ASAH1: variants seen among roughly 807,000 people sequenced by gnomAD.
ASAH1 encodes acid ceramidase.
Under a neutral mutation model 59.5 loss-of-function variants are expected in ASAH1, and 70 were observed. The observed-to-expected ratio is 1.18, with a 90% CI of 0.97 to 1.43. The LOEUF is 1.43. Among genes scored for constraint, ASAH1 ranks in the 40% most tolerant of loss-of-function variants. The pLI is 0.00. For missense variants in ASAH1, 660 were observed against 482.5 expected, an observed-to-expected ratio of 1.37 and a Z score of -3.45; for synonymous variants, 213 against 166.5, an observed-to-expected ratio of 1.28 and a Z score of -2.15.
intron 2 of ASAH1, among the ~76,000 whole-genome samples, chr8:18,072,929 G>A (rs943610192): frequency 2.0e-5 from 3 of 151,900 alleles, no homozygotes; most frequent in Admixed American, 6.6e-5. Flanking sequence ...CTCTATACCC[G>A]CCATAAATTC....
chr8:18,066,143 G>A (rs1307578790), intron 5 of ASAH1: 1 of 151,936 alleles, frequency 6.6e-6, no homozygotes, highest in Admixed American at 6.6e-5. Context: ...ATATATATAT[G>A]ACTTTGGGGT....
At chr8:18,083,859 C>G (rs986004829) in intron 1 of ASAH1, 122 bp downstream of exon 1, 1 of 1,517,104 alleles carries the variant, frequency 6.6e-7, no homozygotes, top group African/African-American at 1.4e-5. Context: ...AACCACAGAC[C>G]CCCGTAAAGA....
In ASAH1 at chr8:18,063,248, G is replaced by C; in HGVS notation, c.458-18C>G. 6.2e-7 allele frequency: 1 copy of C among 1,605,050 alleles called. No individual in the cohort carries two copies. Among genetic ancestry groups the C allele is most frequent in the South Asian group, 1.1e-5 (1 of 90,886 alleles). ...TAGATGACCTATTTGAAGGTAGACAGAAGAGACGTGTAATAGCAGTTAAGA... is the reference window on the plus strand; with the variant it reads ...TAGATGACCTATTTGAAGGTAGACACAAGAGACGTGTAATAGCAGTTAAGA... On this transcript the variant is annotated intron_variant, in intron 6 of 13. Coordinates refer to ENST00000637790, the MANE Select transcript of ASAH1 (RefSeq NM_177924.5).
At chr8:18,059,077 T>A (rs1682288229) in intron 12 of ASAH1, 186 bp from the exon 13 acceptor site, 1 of 606,732 alleles carries the variant, frequency 1.6e-6, no homozygotes, top group South Asian at 2.0e-5. Context: ...TACTTTCCTC[T>A]CTCTCCTTCC....
chr8:18,075,656 A>G, intron 1 of ASAH1, 69 bp from the exon 2 acceptor site: 1 of 1,448,752 alleles, frequency 6.9e-7, no homozygotes, highest in Non-Finnish European at 9.7e-7. Flanking sequence ...CAATTTCAAA[A>G]GTAGTTAATC....
intron 6 of ASAH1, chr8:18,063,594 C>T (rs1799803358): frequency 4.3e-6 from 1 of 234,720 alleles, no homozygotes; most frequent in Non-Finnish European, 8.4e-6. Flanking sequence ...GCTGGCATTA[C>T]AGGTGTAAGC....
At chr8:18,068,272 A>C (rs1450259413) in intron 4 of ASAH1, 1 of 152,212 alleles carries the variant, frequency 6.6e-6, no homozygotes, top group Non-Finnish European at 1.5e-5. Flanking sequence ...CTTAAAACCC[A>C]GTATTGTCCG....
chr8:18,079,143 T>C (rs1349981057), intron 1 of ASAH1, among the ~76,000 whole-genome samples: 1 of 151,836 alleles, frequency 6.6e-6, no homozygotes, highest in Non-Finnish European at 1.5e-5. Flanking sequence ...CTGGGTGGCA[T>C]GTGCCTGTAA....
intron 1 of ASAH1, among the ~76,000 whole-genome samples, chr8:18,082,815 C>T (rs987659953): frequency 1.3e-5 from 2 of 152,052 alleles, no homozygotes; most frequent in East Asian, 1.9e-4. Flanking sequence ...AATGAAGGGC[C>T]CTGACAGTAT....
At chr8:18,062,170 TG>T in intron 8 of ASAH1, 108 bp downstream of exon 8, 1 of 1,448,204 alleles carries the variant, frequency 6.9e-7, no homozygotes, top group Non-Finnish European at 9.6e-7. Flanking sequence ...GGGGGTGAAA[TG>T]GGGCTTCATA....
At chr8:18,083,864 T>C in intron 1 of ASAH1, 117 bp downstream of exon 1, 1 of 1,520,654 alleles carries the variant, frequency 6.6e-7, no homozygotes, top group South Asian at 1.2e-5. Context: ...CAGACCCCCG[T>C]AAAGAAGCTG....
At chr8:18,083,608 C>G (rs1800754695) in intron 1 of ASAH1, among the ~76,000 whole-genome samples, 1 of 152,230 alleles carries the variant, frequency 6.6e-6, no homozygotes, top group African/African-American at 2.4e-5. Flanking sequence ...ATCAGGCAGT[C>G]TGTCCTTGAT....
At chr8:18,064,272 C>T (rs1799834456) in intron 6 of ASAH1, 185 bp downstream of exon 6, 2 of 625,998 alleles carry the variant, frequency 3.2e-6, no homozygotes, top group South Asian at 2.0e-5. Context: ...ATAGGCAGTA[C>T]AGTAGTCTGA....
chr8:18,067,454 TA>T (rs1799981072), intron 4 of ASAH1, 156 bp from the exon 5 acceptor site: 1 of 354,320 alleles, frequency 2.8e-6, no homozygotes, highest in Non-Finnish European at 4.8e-6. Flanking sequence ...TGATAGGAAT[TA>T]TTTTTTAAAG....
At chr8:18,079,107 G>C (rs920426949) in intron 1 of ASAH1, among the ~76,000 whole-genome samples, 1 of 146,982 alleles carries the variant, frequency 6.8e-6, no homozygotes, top group African/African-American at 2.5e-5. Flanking sequence ...CGAAATCCCC[G>C]TTACTACTAA....
At chr8:18,064,309 A>T in intron 6 of ASAH1, 148 bp downstream of exon 6, 1 of 699,908 alleles carries the variant, frequency 1.4e-6, no homozygotes, top group South Asian at 1.7e-5. Flanking sequence ...CAGTACAATC[A>T]CAAAATTTTA....
intron 4 of ASAH1, chr8:18,069,586 CCT>C (rs1190850066): frequency 3.9e-6 from 2 of 516,822 alleles, no homozygotes; most frequent in Non-Finnish European, 3.5e-6. Context: ...AGTCCCATCC[CCT>C]TTTACGAAAC....
intron 2 of ASAH1, 131 bp downstream of exon 2, chr8:18,075,409 CA>C (rs1158905811): frequency 1.5e-5 from 15 of 1,002,452 alleles, no homozygotes; most frequent in Non-Finnish European, 2.4e-5. Context: ...ATCTGAGAAA[CA>C]AACCTCTGTC....
chr8:18,071,484 T>C (rs553955111), intron 2 of ASAH1, 94 bp from the exon 3 acceptor site: 2 of 890,658 alleles, frequency 2.2e-6, no homozygotes, highest in African/African-American at 3.3e-5. Flanking sequence ...AGGCAAAGTC[T>C]TAACAGCAGT....
Sources: allele counts gnomAD v4.1 joint callset (sites outside exome capture counted in the v4.1 genomes callset), GRCh38; gene constraint gnomAD v4.1.1; transcripts MANE v1.5; gene names NCBI Gene and HGNC (gene_info 2026-07-23, HGNC 2026-07-21).